The following ARHGAP42 variants were observed in gnomAD, a reference collection of about 807,000 sequenced individuals.
ARHGAP42 encodes the protein Rho GTPase activating protein 42.
Under a neutral mutation model 125.0 loss-of-function variants are expected in ARHGAP42, and 63 were observed. The observed-to-expected ratio is 0.50, with a 90% CI of 0.41 to 0.62. The LOEUF is 0.62. Among genes scored for constraint, ARHGAP42 ranks in the 20% least tolerant of loss-of-function variants. ARHGAP42 has a pLI of 0.00. For synonymous variants in ARHGAP42, 339 were observed against 351.0 expected (o/e 0.97, Z 0.38); for missense variants, 766 against 1,024.2 (o/e 0.75, Z 3.44).
At chr11:100,836,347 A>G (rs1358980931) in intron 3 of ARHGAP42, among the ~76,000 whole-genome samples, 1 of 152,076 alleles carries the variant, frequency 6.6e-6, no homozygotes, top group African/African-American at 2.4e-5. Context: ...TTAGAATTTT[A>G]TGTTATGCAG....
At chr11:100,929,799 A>G (rs1393841532) in intron 6 of ARHGAP42, among the ~76,000 whole-genome samples, 1 of 152,240 alleles carries the variant, frequency 6.6e-6, no homozygotes, top group African/African-American at 2.4e-5. Flanking sequence ...TATTCTGCAT[A>G]CAAGCCCCTT....
chr11:100,886,459 A>G (rs1360315945), intron 4 of ARHGAP42, among the ~76,000 whole-genome samples: 1 of 152,316 alleles, frequency 6.6e-6, no homozygotes, highest in African/African-American at 2.4e-5. Context: ...TGATTGCTTA[A>G]TTTTGTAAAT....
intron 3 of ARHGAP42, among the ~76,000 whole-genome samples, chr11:100,858,703 C>T (rs1591243934): frequency 6.6e-6 from 1 of 152,064 alleles, no homozygotes; most frequent in Non-Finnish European, 1.5e-5. Flanking sequence ...GTTTTTCTCT[C>T]TTTATCCTGG....
At chr11:100,888,694 T>A (rs1866153308) in intron 4 of ARHGAP42, among the ~76,000 whole-genome samples, 3 of 152,196 alleles carry the variant, frequency 2.0e-5, no homozygotes, top group Admixed American at 1.3e-4. Context: ...TCTAATACTC[T>A]TTTTAGAGGA....
intron 1 of ARHGAP42, 67 bp downstream of exon 1, chr11:100,687,899 G>A: frequency 6.8e-7 from 1 of 1,471,292 alleles, no homozygotes; most frequent in Non-Finnish European, 9.1e-7. Flanking sequence ...CGGGTCCGAA[G>A]GGTGGGTTGG....
At chr11:100,895,498 T>A (rs1258879432) in intron 4 of ARHGAP42, among the ~76,000 whole-genome samples, 1 of 151,402 alleles carries the variant, frequency 6.6e-6, no homozygotes, top group Non-Finnish European at 1.5e-5. Flanking sequence ...AGCAACTTTT[T>A]TTTTTTTTTT....
At chr11:100,700,482 A>C (rs1425024969) in intron 1 of ARHGAP42, among the ~76,000 whole-genome samples, 1 of 152,202 alleles carries the variant, frequency 6.6e-6, no homozygotes, top group Non-Finnish European at 1.5e-5. Context: ...ACTTCTTTCA[A>C]AGTTGCAGTC....
intron 4 of ARHGAP42, 27 bp downstream of exon 4, chr11:100,859,652 A>C (rs763568067): frequency 2.5e-5 from 35 of 1,397,726 alleles, no homozygotes; most frequent in Non-Finnish European, 3.2e-5. Context: ...ATTATTCTTC[A>C]GTTATTCTCC....
At position 100,992,700 on chromosome 11, in the gene ARHGAP42, G is replaced by A. The variant is rs1435722048; in HGVS notation, c.*3899G>A. ...GGGAAAATGCAGGTTTATGAATGAT[G>A]TGGACTTTTAGAGGATCAAATCAAT... On this transcript the variant is annotated 3_prime_UTR_variant, in exon 24 of 24. Coordinates refer to ENST00000298815, the MANE Select transcript of ARHGAP42 (RefSeq NM_152432.4). 1 of 1,573,216 alleles carries A rather than the reference G, an allele frequency of 6.4e-7. No individual in the cohort carries two copies. The highest frequency in any genetic ancestry group is 1.2e-5 in the South Asian group (1 of 83,478).
chr11:100,789,037 G>A (rs1863501086), intron 2 of ARHGAP42, among the ~76,000 whole-genome samples: 1 of 152,074 alleles, frequency 6.6e-6, no homozygotes, highest in Non-Finnish European at 1.5e-5. Flanking sequence ...GGTGTGGCCA[G>A]GTCTAGAAGC....
chr11:100,875,982 G>T (rs1406971559), intron 4 of ARHGAP42, among the ~76,000 whole-genome samples: 2 of 151,904 alleles, frequency 1.3e-5, no homozygotes, highest in Non-Finnish European at 2.9e-5. Flanking sequence ...AGGAGAGCAT[G>T]TGGCCCACAA....
At chr11:100,967,776 C>T (rs1333059599) in intron 17 of ARHGAP42, among the ~76,000 whole-genome samples, 11 of 152,068 alleles carry the variant, frequency 7.2e-5, no homozygotes, top group South Asian at 2.1e-4. Flanking sequence ...TGCAGTGGCG[C>T]GATCTGGGCC....
At chr11:100,765,293 A>T (rs1474797554) in intron 1 of ARHGAP42, among the ~76,000 whole-genome samples, 1 of 152,216 alleles carries the variant, frequency 6.6e-6, no homozygotes, top group Non-Finnish European at 1.5e-5. Flanking sequence ...CTACCCCTAC[A>T]CACTCAATCC....
At chr11:100,881,502 C>T (rs1865961331) in intron 4 of ARHGAP42, among the ~76,000 whole-genome samples, 1 of 152,110 alleles carries the variant, frequency 6.6e-6, no homozygotes, top group Non-Finnish European at 1.5e-5. Context: ...AGTTTGAAAT[C>T]AGTTAATTGA....
intron 5 of ARHGAP42, among the ~76,000 whole-genome samples, chr11:100,917,015 T>TTG (rs6144479): frequency 0.073 from 10,899 of 149,432 alleles, 490 homozygotes; most frequent in Non-Finnish European, 0.1. Context: ...TAAAATAAGT[T>TTG]TGTGTGTGTG....
intron 5 of ARHGAP42, among the ~76,000 whole-genome samples, chr11:100,918,704 T>A (rs930277810): frequency 6.6e-6 from 1 of 152,238 alleles, no homozygotes. Flanking sequence ...AATTAAACTG[T>A]CATATTCCTT....
intron 4 of ARHGAP42, among the ~76,000 whole-genome samples, chr11:100,899,326 G>T (rs901615550): frequency 1.3e-5 from 2 of 152,296 alleles, no homozygotes; most frequent in East Asian, 3.9e-4. Flanking sequence ...CTGTTGATTT[G>T]GGGTGGAGAG....
intron 10 of ARHGAP42, among the ~76,000 whole-genome samples, chr11:100,945,688 T>G (rs580773): frequency 0.88 from 133,953 of 152,096 alleles, 59,079 homozygotes; most frequent in East Asian, 1. Flanking sequence ...ACCTCTTTAA[T>G]CAGAAGGTCT....
intron 10 of ARHGAP42, among the ~76,000 whole-genome samples, chr11:100,946,495 A>G (rs766668663): frequency 7.9e-5 from 12 of 152,098 alleles, no homozygotes; most frequent in African/African-American, 2.4e-4. Flanking sequence ...TTGATTTAAC[A>G]TGAGAGACAT....
Sources: allele counts gnomAD v4.1 joint callset (sites outside exome capture counted in the v4.1 genomes callset), GRCh38; gene constraint gnomAD v4.1.1; transcripts MANE v1.5; gene names NCBI Gene and HGNC (gene_info 2026-07-23, HGNC 2026-07-21).